Variants in AFF2 observed in about 807,000 individuals in gnomAD.
AFF2 encodes the protein AF4/FMR2 family member 2.
A neutral mutation model predicts 76.9 loss-of-function variants in AFF2; 14 were observed. That is an observed-to-expected ratio of 0.18 (90% CI 0.12 to 0.28). The LOEUF is 0.28. AFF2 is among the 10% of genes least tolerant of loss of function. The probability of loss-of-function intolerance (pLI) is 1.00; values close to 1 mark genes in which losing one functional copy is unlikely to be tolerated. For synonymous variants in AFF2, 398 were observed against 366.7 expected, an observed-to-expected ratio of 1.09 and a Z score of -0.98; for missense variants, 868 against 1,001.1, an observed-to-expected ratio of 0.87 and a Z score of 1.79.
At chrX:148,902,287 G>A (rs2071362894) in intron 8 of AFF2, among the ~76,000 whole-genome samples, 1 of 111,545 alleles carries the variant, frequency 9.0e-6, no homozygotes, top group Admixed American at 9.5e-5. Context: ...CATCCAGCAT[G>A]CTTTAAAAGG....
chrX:148,708,341 C>G (rs1188437788), intron 3 of AFF2, among the ~76,000 whole-genome samples: 2 of 111,751 alleles, frequency 1.8e-5, no homozygotes, highest in Non-Finnish European at 3.8e-5. Flanking sequence ...CCATTAGAGA[C>G]AACTACTCAC....
At chrX:148,531,511 G>A (rs782749449) in intron 1 of AFF2, among the ~76,000 whole-genome samples, 2 of 112,253 alleles carry the variant, frequency 1.8e-5, no homozygotes, top group Non-Finnish European at 3.8e-5. Flanking sequence ...ATTTATTATA[G>A]GTAATGCATG....
chrX:148,906,491 T>A (rs886216353), intron 9 of AFF2, among the ~76,000 whole-genome samples: 27 of 111,739 alleles, frequency 2.4e-4, no homozygotes, highest in Non-Finnish European at 4.5e-4. Flanking sequence ...AGCTTGTAAC[T>A]CAGCTCACAC....
intron 3 of AFF2, among the ~76,000 whole-genome samples, chrX:148,773,698 G>GAAGGAAAGAAAGA (rs2069624688): frequency 1.2e-5 from 1 of 83,154 alleles, no homozygotes; most frequent in Non-Finnish European, 2.2e-5. Context: ...AAGAAAGAAA[G>GAAGGAAAGAAAGA]AAAGAAAGAA....
chrX:148,980,575 G>A (rs1288055796), intron 18 of AFF2, among the ~76,000 whole-genome samples, 163 bp from the exon 19 acceptor site: 3 of 111,546 alleles, frequency 2.7e-5, no homozygotes, highest in Non-Finnish European at 5.6e-5. Flanking sequence ...TTTTCATCGA[G>A]TGTGCGTCGT....
chrX:148,950,228 C>T (rs782215262), intron 9 of AFF2, among the ~76,000 whole-genome samples: 8 of 112,038 alleles, frequency 7.1e-5, no homozygotes, highest in African/African-American at 2.3e-4. Flanking sequence ...CAGTCCCAAC[C>T]GGGCGCAAGG....
chrX:148,518,736 T>A (rs1199880529), intron 1 of AFF2, among the ~76,000 whole-genome samples: 1 of 112,252 alleles, frequency 8.9e-6, no homozygotes, highest in Non-Finnish European at 1.9e-5. Context: ...GTTTTTATGA[T>A]GCTTTAAAAT....
intron 1 of AFF2, among the ~76,000 whole-genome samples, chrX:148,508,837 C>T (rs1301067973): frequency 9.0e-6 from 1 of 111,008 alleles, no homozygotes; most frequent in East Asian, 2.8e-4. Flanking sequence ...GGTGTGTAGA[C>T]GTTAATCAGG....
chrX:148,991,466 C>A lies in AFF2; in HGVS notation c.*134C>A. Reference sequence around the variant, plus strand: ...TTTGTTTTTATGCTTCTTTTGTTATCTGTAAAAAACAGAAGTCATTGTAAG... The same window carrying A: ...TTTGTTTTTATGCTTCTTTTGTTATATGTAAAAAACAGAAGTCATTGTAAG... On this transcript the variant is annotated 3_prime_UTR_variant, in exon 21 of 21. Coordinates refer to ENST00000370460, the MANE Select transcript of AFF2 (RefSeq NM_002025.4). The A allele has an allele frequency of 1.3e-6, 1 of 781,504 alleles. No individual in the cohort carries two copies. Among genetic ancestry groups the A allele is most frequent in the Non-Finnish European group, 1.7e-6 (1 of 579,124 alleles). 64.4% of individuals were successfully genotyped at this position (781,504 alleles called of 1,213,427 possible). A position where few individuals can be genotyped will look rare whatever the true frequency, so the allele number is the denominator to read the frequency against.
intron 9 of AFF2, among the ~76,000 whole-genome samples, chrX:148,913,886 G>T (rs2124239421): frequency 8.9e-6 from 1 of 112,135 alleles, no homozygotes; most frequent in East Asian, 2.8e-4. Flanking sequence ...TGTCAAAAAT[G>T]TAGAGTCACA....
intron 3 of AFF2, among the ~76,000 whole-genome samples, chrX:148,694,175 C>CGGGGGGGGGTGGGGGGGGGGGG (rs2054686420): frequency 1.4e-5 from 1 of 72,851 alleles, no homozygotes; most frequent in Non-Finnish European, 2.5e-5. Context: ...GTTGTGGGGT[C>CGGGGGGGGGTGGGGGGGGGGGG]GGGGGGGGGG....
intron 15 of AFF2, among the ~76,000 whole-genome samples, chrX:148,969,044 T>A (rs1190911361): frequency 8.9e-6 from 1 of 112,870 alleles, no homozygotes; most frequent in Non-Finnish European, 1.9e-5. Context: ...AGCTGTTACA[T>A]GAGCTGATGA....
chrX:148,609,114 T>C (rs782304913), intron 1 of AFF2, among the ~76,000 whole-genome samples: 38 of 111,429 alleles, frequency 3.4e-4, no homozygotes, highest in Non-Finnish European at 5.9e-4. Flanking sequence ...GTGACCAAAA[T>C]CCAGAGATAC....
Position 148,998,747 on chromosome X carries a change from G to A in AFF2, c.*7415G>A, listed in dbSNP as rs1302724653. 2 of 109,928 alleles carry A rather than the reference G, an allele frequency of 1.8e-5. No homozygotes were observed. The highest frequency in any genetic ancestry group is 6.6e-5 in the African/African-American group (2 of 30,202). The allele number at this position is 109,928 out of a possible 1,213,427, so 9.1% of individuals were successfully genotyped here. A position where few individuals can be genotyped will look rare whatever the true frequency, so the allele number is the denominator to read the frequency against. ...ATAGTACTTCAGTCAAGACTTTTTA[G>A]GTTTATCTTTTTTTTTTCATTTCTC... is the stretch of plus-strand genomic sequence containing the variant. On this transcript the variant is annotated 3_prime_UTR_variant, in exon 21 of 21. Coordinates refer to ENST00000370460, the MANE Select transcript of AFF2 (RefSeq NM_002025.4).
At chrX:148,659,535 G>A (rs983934683) in intron 2 of AFF2, among the ~76,000 whole-genome samples, 8 of 112,565 alleles carry the variant, frequency 7.1e-5, no homozygotes, top group African/African-American at 1.6e-4. Context: ...CCAATGGGAA[G>A]TGAAATGGTG....
At chrX:148,951,998 G>C (rs1384277133) in intron 9 of AFF2, among the ~76,000 whole-genome samples, 1 of 112,235 alleles carries the variant, frequency 8.9e-6, no homozygotes, top group Non-Finnish European at 1.9e-5. Flanking sequence ...CTACCTGGGA[G>C]ATTAAAGGGC....
chrX:148,917,220 A>T (rs1280780836), intron 9 of AFF2, among the ~76,000 whole-genome samples: 1 of 112,195 alleles, frequency 8.9e-6, no homozygotes, highest in African/African-American at 3.2e-5. Context: ...CTTCTGGTGT[A>T]TATCCACCTT....
chrX:148,551,626 C>T (rs1306476708), intron 1 of AFF2, among the ~76,000 whole-genome samples: 2 of 110,536 alleles, frequency 1.8e-5, no homozygotes, highest in African/African-American at 6.6e-5. Context: ...TGCAAAGGTC[C>T]CATTCAAGAA....
chrX:148,680,818 T>C (rs1483578200), intron 3 of AFF2, among the ~76,000 whole-genome samples: 5 of 111,154 alleles, frequency 4.5e-5, no homozygotes, highest in Non-Finnish European at 3.8e-5. Context: ...GGAAGTATGG[T>C]ATTGGCATCT....
Sources: gnomAD v4.1 joint callset for allele counts (sites outside exome capture counted in the v4.1 genomes callset) on GRCh38, gnomAD v4.1.1 for gene constraint, MANE v1.5 for transcripts, NCBI Gene and HGNC (gene_info 2026-07-23, HGNC 2026-07-21) for gene names.